MAP2K5: variants seen among roughly 807,000 people sequenced by gnomAD.
The protein encoded by MAP2K5 is dual specificity mitogen-activated protein kinase kinase 5.
Under a neutral mutation model 83.1 loss-of-function variants are expected in MAP2K5, and 49 were observed. The ratio of observed to expected loss-of-function variants is 0.59; its 90% CI spans 0.47 to 0.75. The LOEUF (loss-of-function observed/expected upper bound fraction) is 0.75, where lower values mean the gene tolerates loss of function less well. Ranked by LOEUF, MAP2K5 falls within the 30% of genes least tolerant of loss-of-function variation. The pLI, the probability that MAP2K5 is intolerant of heterozygous loss-of-function variation, is 0.00. For synonymous variants in MAP2K5, 202 were observed against 191.8 expected (o/e 1.05, Z -0.44); for missense variants, 457 against 557.5 (o/e 0.82, Z 1.82).
In MAP2K5 at chr15:67,764,426, C is replaced by G. The variant is rs186565532; in HGVS notation, c.1135-5176C>G. Among the ~76,000 whole-genome samples, 1 of 152,174 alleles carries G rather than the reference C, an allele frequency of 6.6e-6. No homozygotes were observed. Among genetic ancestry groups the G allele is most frequent in the East Asian group, 1.9e-4 (1 of 5,190 alleles). On this transcript the variant is annotated intron_variant, in intron 19 of 21. Coordinates refer to ENST00000178640, the MANE Select transcript of MAP2K5 (RefSeq NM_145160.3). This position sits in a 1 kb window ranked among gnomAD's most constrained non-coding sequence, Gnocchi z 4.9. Reference sequence around the variant, plus strand: ...CCCATGACCCTCGTTTGTGAACTCGCGTCTGCCAGCCAAACTGAACCAAAA... The same window carrying G: ...CCCATGACCCTCGTTTGTGAACTCGGGTCTGCCAGCCAAACTGAACCAAAA...
chr15:67,620,264 G>A lies in MAP2K5; in HGVS notation c.546-10624G>A, dbSNP rs902903992. 4.0e-5 allele frequency among the ~76,000 whole-genome samples: 6 copies of A among 151,786 alleles called. No homozygotes were observed. The South Asian group carries it at 1.0e-3, about 26-fold the overall frequency. ...TGGGCACCTGTAGACCCAGCTATTC[G>A]GGAGGCTGAGGCAGGAGAATCGCTT... is the stretch of plus-strand genomic sequence containing the variant. On this transcript the variant is annotated intron_variant, in intron 8 of 21. Coordinates refer to ENST00000178640, the MANE Select transcript of MAP2K5 (RefSeq NM_145160.3).
intron 21 of MAP2K5, among the ~76,000 whole-genome samples, chr15:67,800,020 G>C (rs1443364374): frequency 6.6e-6 from 1 of 152,098 alleles, no homozygotes; most frequent in Non-Finnish European, 1.5e-5. Context: ...TCCTTCCCTG[G>C]CCATTCCTGT....
chr15:67,616,739 C>G (rs1483676279), intron 8 of MAP2K5, among the ~76,000 whole-genome samples: 1 of 152,184 alleles, frequency 6.6e-6, no homozygotes, highest in Admixed American at 6.5e-5. Context: ...TTCTTTCTTG[C>G]TTACCTAGAA....
intron 19 of MAP2K5, among the ~76,000 whole-genome samples, chr15:67,767,237 A>G (rs1432967670): frequency 1.3e-5 from 2 of 152,188 alleles, no homozygotes; most frequent in East Asian, 3.8e-4. Context: ...TCCGTTTTTA[A>G]ATGGCCTCTT....
In MAP2K5 at chr15:67,555,612, G is replaced by T. The variant is rs1377325680; in HGVS notation, c.184+5530G>T. ...ACCAATCTACACTCACACCAACAAG[G>T]TATGAGAAGGCCCATTTCCCTCCAA... On this transcript the variant is annotated intron_variant, in intron 2 of 21. Transcript: ENST00000178640. This position sits in a 1 kb window ranked among gnomAD's most constrained non-coding sequence, Gnocchi z 5.2. Among the ~76,000 whole-genome samples, 1 of 152,082 alleles carries T rather than the reference G, an allele frequency of 6.6e-6. No homozygotes were observed. The highest frequency in any genetic ancestry group is 1.9e-4 in the East Asian group (1 of 5,192).
intron 11 of MAP2K5, 110 bp downstream of exon 11, chr15:67,646,579 T>G (rs1028085963): frequency 1.8e-6 from 1 of 570,662 alleles, no homozygotes; most frequent in African/African-American, 1.9e-5. Context: ...TAAAATATGC[T>G]AATAATTACC....
chr15:67,708,577 C>T lies in MAP2K5; in HGVS notation c.1044+5169C>T, dbSNP rs1051525400. Among the ~76,000 whole-genome samples the T allele has an allele frequency of 6.6e-6, 1 of 152,100 alleles. No homozygotes were observed. Among genetic ancestry groups the T allele is most frequent in the African/African-American group, 2.4e-5 (1 of 41,402 alleles). ...TTCCTGGGGTCAAGTGATCCTCCTG[C>T]CTCAGCCTCTTGAGTAGCTAGGACT... is the stretch of plus-strand genomic sequence containing the variant. On this transcript the variant is annotated intron_variant, in intron 16 of 21. Transcript: ENST00000178640. The surrounding 1 kb of genome is among the most constrained non-coding windows in gnomAD (Gnocchi z 4.9).
intron 8 of MAP2K5, among the ~76,000 whole-genome samples, chr15:67,625,317 A>C (rs2086293137): frequency 6.6e-6 from 1 of 152,216 alleles, no homozygotes; most frequent in South Asian, 2.1e-4. Flanking sequence ...CTCAATTTTA[A>C]GGGCTGAGAC....
At chr15:67,579,136 C>T (rs2085125242) in intron 3 of MAP2K5, among the ~76,000 whole-genome samples, 1 of 152,150 alleles carries the variant, frequency 6.6e-6, no homozygotes, top group Non-Finnish European at 1.5e-5. Flanking sequence ...TTGCTTGCAG[C>T]CTTCCAGAAG....
chr15:67,694,085 G>T (rs1490825344), intron 15 of MAP2K5, among the ~76,000 whole-genome samples: 2 of 152,020 alleles, frequency 1.3e-5, no homozygotes, highest in East Asian at 1.9e-4. Flanking sequence ...CATGCCTATT[G>T]TAAGATTATT....
chr15:67,683,776 C>CA (rs2087881715), intron 13 of MAP2K5, among the ~76,000 whole-genome samples: 1 of 152,098 alleles, frequency 6.6e-6, no homozygotes, highest in African/African-American at 2.4e-5. Context: ...CAAAACAAAA[C>CA]AAACAAACAA....
intron 13 of MAP2K5, among the ~76,000 whole-genome samples, chr15:67,667,917 C>T (rs1313016371): frequency 6.6e-6 from 1 of 152,128 alleles, no homozygotes; most frequent in African/African-American, 2.4e-5. Context: ...CCAGTGAGGA[C>T]TGTAGAGTAG....
At chr15:67,707,074 C>G (rs2088572380) in intron 16 of MAP2K5, among the ~76,000 whole-genome samples, 1 of 152,096 alleles carries the variant, frequency 6.6e-6, no homozygotes, top group Non-Finnish European at 1.5e-5. Flanking sequence ...TGCCACCATG[C>G]CCGGATAATT....
Position 67,644,534 on chromosome 15 carries a change from T to C in MAP2K5, c.586-1697T>C, listed in dbSNP as rs920842918. On this transcript the variant is annotated intron_variant, in intron 9 of 21. Coordinates refer to ENST00000178640, the MANE Select transcript of MAP2K5 (RefSeq NM_145160.3). This position sits in a 1 kb window ranked among gnomAD's most constrained non-coding sequence, Gnocchi z 4.6. ...CTAGAATTTATTCTAGATAAGTTTA[T>C]AAATATTTTATATTTATGGGTTATA... Among the ~76,000 whole-genome samples, 1 of 152,224 alleles carries C rather than the reference T, an allele frequency of 6.6e-6. No homozygotes were observed. Among genetic ancestry groups the C allele is most frequent in the African/African-American group, 2.4e-5 (1 of 41,456 alleles).
Position 67,563,344 on chromosome 15 carries a change from G to T in MAP2K5, c.246G>T (p.Leu82=). ...VRSDEEMKAM[L]SYYYSTVMEQ... Reference sequence around the variant, plus strand: ...GTGATGAGGAAATGAAGGCAATGCTGTCATATGTAAGTATACGACAAATGA... The same window carrying T: ...GTGATGAGGAAATGAAGGCAATGCTTTCATATGTAAGTATACGACAAATGA... The change falls in exon 3 of 22, where the codon CTG becomes CTT. Residue 82 remains leucine (L), a synonymous_variant. Transcript: ENST00000178640. This position sits in a 1 kb window ranked among gnomAD's most constrained non-coding sequence, Gnocchi z 4.5. 1 of 1,610,864 alleles carries T rather than the reference G, an allele frequency of 6.2e-7. No homozygotes were observed. Among genetic ancestry groups the T allele is most frequent in the Non-Finnish European group, 8.5e-7 (1 of 1,179,012 alleles).
intron 19 of MAP2K5, among the ~76,000 whole-genome samples, chr15:67,761,289 A>T (rs1375704035): frequency 2.6e-5 from 4 of 151,954 alleles, no homozygotes; most frequent in African/African-American, 9.7e-5. Context: ...CCCTCATAGT[A>T]ACTAGTTTTA....
chr15:67,705,034 C>T (rs78476641), intron 16 of MAP2K5, among the ~76,000 whole-genome samples: 3,413 of 152,240 alleles, frequency 0.022, 60 homozygotes, highest in African/African-American at 0.04. Context: ...CTCTAAGCCC[C>T]TTTCCAGACT....
At position 67,577,713 on chromosome 15, in the gene MAP2K5, T is replaced by C. The variant is rs1324407588; in HGVS notation, c.253-3041T>C. ...CTAATAGATCCAGATCTAAAAACAA[T>C]TTGCTGGCCGTGTGCAGTGGCTCAC... On this transcript the variant is annotated intron_variant, in intron 3 of 21. Coordinates refer to ENST00000178640, the MANE Select transcript of MAP2K5 (RefSeq NM_145160.3). The surrounding 1 kb of genome is among the most constrained non-coding windows in gnomAD (Gnocchi z 4.1). 6.6e-5 allele frequency among the ~76,000 whole-genome samples: 10 copies of C among 152,104 alleles called. No individual in the cohort carries two copies. The highest frequency in any genetic ancestry group is 6.5e-4 in the Admixed American group (10 of 15,276).
At chr15:67,585,705 A>G in intron 4 of MAP2K5, 185 bp from the exon 5 acceptor site, 1 of 550,464 alleles carries the variant, frequency 1.8e-6, no homozygotes, top group Non-Finnish European at 3.3e-6. Context: ...TTGCATTTAT[A>G]AATGCTCACT....
Sources: gnomAD v4.1 joint callset for allele counts (sites outside exome capture counted in the v4.1 genomes callset) on GRCh38, gnomAD v4.1.1 for gene constraint, Gnocchi (gnomAD v3.1) non-coding constraint, MANE v1.5 for transcripts, NCBI Gene and HGNC (gene_info 2026-07-23, HGNC 2026-07-21) for gene names.